Variants in FOXJ3 observed in about 807,000 individuals in gnomAD.
FOXJ3 encodes the protein forkhead box J3, also known as forkhead box protein J3.
FOXJ3 carries 22 observed loss-of-function variants against 76.1 expected under a neutral mutation model. The observed-to-expected ratio is 0.29, with a 90% CI of 0.21 to 0.41. The LOEUF (loss-of-function observed/expected upper bound fraction) is 0.41. Ranked by LOEUF, FOXJ3 falls within the 10% of genes least tolerant of loss-of-function variation. The pLI is 1.00. For synonymous variants in FOXJ3, 269 were observed against 261.2 expected (o/e 1.03, Z -0.29); for missense variants, 613 against 762.1 (o/e 0.80, Z 2.30).
At chr1:42,213,469 G>GT (rs1292860280) in intron 5 of FOXJ3, among the ~76,000 whole-genome samples, 7 of 140,998 alleles carry the variant, frequency 5.0e-5, no homozygotes, top group Middle Eastern at 3.5e-3. Context: ...AACAACAACA[G>GT]TTAAAAAAAA....
At chr1:42,302,468 G>T (rs1452475051) in intron 2 of FOXJ3, among the ~76,000 whole-genome samples, 1 of 152,242 alleles carries the variant, frequency 6.6e-6, no homozygotes, top group Non-Finnish European at 1.5e-5. Flanking sequence ...CCACCTACAG[G>T]TCTCCCAATA....
Position 42,316,867 on chromosome 1 carries a change from CAG to C in FOXJ3, c.-17-5759_-17-5758del, listed in dbSNP as rs1314079446. On this transcript the variant is annotated intron_variant, in intron 1 of 12. Transcript: ENST00000361346. ...AATGATACAATCGACTTTGGGGACT[CAG>C]GGGAAAGGGTGGGAGTGGGGTGAAG... Among the ~76,000 whole-genome samples the C allele has an allele frequency of 7.9e-5, 12 of 152,024 alleles. No individual in the cohort carries two copies. In the East Asian group the frequency reaches 1.9e-3, roughly 24 times the overall value.
intron 2 of FOXJ3, among the ~76,000 whole-genome samples, chr1:42,294,677 G>C (rs1183305330): frequency 6.7e-6 from 1 of 149,268 alleles, no homozygotes; most frequent in Non-Finnish European, 1.5e-5. Context: ...CAGGAGAACT[G>C]CTTGAACCCG....
intron 5 of FOXJ3, among the ~76,000 whole-genome samples, chr1:42,212,237 A>G (rs918921202): frequency 2.0e-5 from 3 of 152,254 alleles, no homozygotes; most frequent in South Asian, 4.1e-4. Flanking sequence ...TGACATAGCA[A>G]GACTCCATTT....
chr1:42,199,310 A>G (rs905020406), intron 6 of FOXJ3, 80 bp from the exon 7 acceptor site: 64 of 1,246,436 alleles, frequency 5.1e-5, no homozygotes, highest in Non-Finnish European at 5.7e-6. Context: ...TTGAGCAGGC[A>G]TATGGCAAGA....
At position 42,193,742 on chromosome 1, in the gene FOXJ3, G is replaced by A. The variant is rs372356716; in HGVS notation, c.934+1148C>T. Reference sequence around the variant, plus strand: ...GGATTTCTGTTCATTTTTGTTCACTGCTGTGAACATGGAAACTTTCTGAGT... The same window carrying A: ...GGATTTCTGTTCATTTTTGTTCACTACTGTGAACATGGAAACTTTCTGAGT... On this transcript the variant is annotated intron_variant, in intron 8 of 12. Coordinates refer to ENST00000361346, the MANE Select transcript of FOXJ3 (RefSeq NM_014947.5). Among the ~76,000 whole-genome samples the A allele has an allele frequency of 6.0e-4, 91 of 152,226 alleles. 3 individuals carry two copies. In the South Asian group the frequency reaches 0.016, roughly 27 times the overall value.
intron 2 of FOXJ3, among the ~76,000 whole-genome samples, chr1:42,291,649 A>AC (rs1653443627): frequency 6.6e-6 from 1 of 151,818 alleles, no homozygotes; most frequent in African/African-American, 2.4e-5. Context: ...GAAAAAAAAA[A>AC]TTTTTGTTTT....
rs560672037 is a variant in FOXJ3, at chr1:42,265,594, T to A, written c.370-405A>T. Among the ~76,000 whole-genome samples the A allele has an allele frequency of 2.0e-5, 3 of 152,304 alleles. No homozygotes were observed. The South Asian group carries it at 6.2e-4, about 32-fold the overall frequency. On this transcript the variant is annotated intron_variant, in intron 3 of 12. Coordinates refer to ENST00000361346, the MANE Select transcript of FOXJ3 (RefSeq NM_014947.5). ...TGGAAATAAGCCAGAATGCAAAATG[T>A]AAGAAGTTACTCTACATGAAATTAA...
At chr1:42,203,308 G>A (rs1239787208) in intron 6 of FOXJ3, among the ~76,000 whole-genome samples, 2 of 151,992 alleles carry the variant, frequency 1.3e-5, no homozygotes, top group East Asian at 1.9e-4. Flanking sequence ...TTAGTTATTC[G>A]AACTCTCTCT....
chr1:42,209,202 A>AATTCAGTTAAT (rs1646918864), intron 5 of FOXJ3, among the ~76,000 whole-genome samples: 1 of 152,246 alleles, frequency 6.6e-6, no homozygotes, highest in Non-Finnish European at 1.5e-5. Context: ...AAATTCAGTA[A>AATTCAGTTAAT]CGTTGCGGGA....
intron 4 of FOXJ3, among the ~76,000 whole-genome samples, chr1:42,249,583 G>A (rs985066631): frequency 6.6e-6 from 1 of 152,140 alleles, no homozygotes; most frequent in Non-Finnish European, 1.5e-5. Flanking sequence ...AAAAATTAAC[G>A]TACAATTTGA....
At chr1:42,254,223 A>C (rs568246502) in intron 4 of FOXJ3, among the ~76,000 whole-genome samples, 175 of 150,910 alleles carry the variant, frequency 1.2e-3, no homozygotes, top group Middle Eastern at 0.01. Flanking sequence ...AATGCTCATC[A>C]TCACTGGCCA....
At chr1:42,334,707 G>A (rs371171523) in intron 1 of FOXJ3, among the ~76,000 whole-genome samples, 1 of 152,094 alleles carries the variant, frequency 6.6e-6, no homozygotes, top group Non-Finnish European at 1.5e-5. Flanking sequence ...GTCATGGAGG[G>A]AAGGAGACGG....
At chr1:42,308,113 T>C (rs1346536181) in intron 2 of FOXJ3, among the ~76,000 whole-genome samples, 1 of 152,180 alleles carries the variant, frequency 6.6e-6, no homozygotes, top group African/African-American at 2.4e-5. Flanking sequence ...GCCTACAAAC[T>C]CCCACCTGCC....
chr1:42,234,255 C>T (rs895903932), intron 4 of FOXJ3, among the ~76,000 whole-genome samples: 3 of 152,134 alleles, frequency 2.0e-5, no homozygotes, highest in African/African-American at 7.2e-5. Context: ...TCCATCAGGT[C>T]TTTTAAGGAC....
At chr1:42,283,059 T>C (rs1652829257) in intron 2 of FOXJ3, among the ~76,000 whole-genome samples, 1 of 152,134 alleles carries the variant, frequency 6.6e-6, no homozygotes, top group Non-Finnish European at 1.5e-5. Context: ...TTGAAGTCTT[T>C]CGTAAGACAG....
intron 1 of FOXJ3, among the ~76,000 whole-genome samples, chr1:42,328,892 C>G: frequency 6.6e-6 from 1 of 151,968 alleles, no homozygotes. Context: ...GTCTCAAACT[C>G]CTGACCTCAA....
chr1:42,183,775 C>G (rs1402420544), intron 11 of FOXJ3, among the ~76,000 whole-genome samples: 1 of 151,972 alleles, frequency 6.6e-6, no homozygotes. Flanking sequence ...AAGTCTTTAC[C>G]CTCCAGTGGA....
chr1:42,190,377 G>A (rs928271734), intron 9 of FOXJ3, among the ~76,000 whole-genome samples: 3 of 152,132 alleles, frequency 2.0e-5, no homozygotes, highest in African/African-American at 7.2e-5. Flanking sequence ...TGCCAATAAT[G>A]GATTTTTAAA....
Sources: allele counts gnomAD v4.1 joint callset (sites outside exome capture counted in the v4.1 genomes callset), GRCh38; gene constraint gnomAD v4.1.1; transcripts MANE v1.5; gene names NCBI Gene and HGNC (gene_info 2026-07-23, HGNC 2026-07-21).